Variants in PPP1R3A observed in about 807,000 individuals in gnomAD.
PPP1R3A encodes the protein RG1.
Under a neutral mutation model 41.7 loss-of-function variants are expected in PPP1R3A, and 29 were observed. The ratio of observed to expected loss-of-function variants is 0.70; its 90% CI spans 0.52 to 0.95. The LOEUF is 0.95. Among genes scored for constraint, PPP1R3A ranks in the 40% least tolerant of loss-of-function variants. The pLI is 0.00. For synonymous variants in PPP1R3A, 485 were observed against 453.4 expected, an observed-to-expected ratio of 1.07 and a Z score of -0.89; for missense variants, 1,352 against 1,292.4, an observed-to-expected ratio of 1.05 and a Z score of -0.71.
intron 1 of PPP1R3A, among the ~76,000 whole-genome samples, chr7:113,886,214 C>T (rs1004363606): frequency 6.6e-6 from 1 of 151,510 alleles, no homozygotes. Flanking sequence ...TGGCTGTGTC[C>T]CCACCCAAAT....
At position 113,879,699 on chromosome 7, in the gene PPP1R3A, T is replaced by G. The variant is rs767435241; in HGVS notation, c.1393A>C (p.Asn465His). The change falls in exon 4 of 4, where the codon AAC becomes CAC. Residue 465 changes from asparagine (N) to histidine (H), a missense_variant. Asn to His is a moderately conservative substitution (Grantham distance 68, BLOSUM62 1). Transcript: ENST00000284601. ...CPSSDQLMAG[N>H]LNKKHEGGAK... ...CCTCCTTCATGTTTTTTATTAAGGT[T>G]TCCTGCCATTAGTTGATCTGAAGAG... The G allele has an allele frequency of 6.2e-7, 1 of 1,613,132 alleles. No individual in the cohort carries two copies. The highest frequency in any genetic ancestry group is 2.2e-5 in the East Asian group (1 of 44,850).
At chr7:113,881,852 A>G (rs559320271) in intron 3 of PPP1R3A, among the ~76,000 whole-genome samples, 187 bp downstream of exon 3, 3 of 152,080 alleles carry the variant, frequency 2.0e-5, no homozygotes, top group African/African-American at 7.2e-5. Context: ...ACCACTGCAG[A>G]GACCAGAAGC....
At chr7:113,902,637 A>G (rs1797085225) in intron 1 of PPP1R3A, among the ~76,000 whole-genome samples, 2 of 151,806 alleles carry the variant, frequency 1.3e-5, no homozygotes, top group Non-Finnish European at 2.9e-5. Context: ...TGGTTCCTTC[A>G]GCATAGAACA....
intron 1 of PPP1R3A, among the ~76,000 whole-genome samples, chr7:113,902,970 T>A (rs1797090171): frequency 6.6e-6 from 1 of 151,750 alleles, no homozygotes; most frequent in Non-Finnish European, 1.5e-5. Context: ...TCACTGATCT[T>A]TTTTTACTTC....
At chr7:113,886,638 T>G (rs186591932) in intron 1 of PPP1R3A, among the ~76,000 whole-genome samples, 1 of 152,334 alleles carries the variant, frequency 6.6e-6, no homozygotes, top group Admixed American at 6.5e-5. Flanking sequence ...GTGGTTGTTT[T>G]GCAGGTGCTT....
rs779836256 is a variant in PPP1R3A at position 113,879,040 on chromosome 7, G to A, written c.2052C>T (p.Asp684=). The change falls in exon 4 of 4, where the codon GAC becomes GAT. Residue 684 remains aspartate, a synonymous_variant. Transcript: ENST00000284601. ...TCGTATTATCTCTTTTTCCCCACAC[G>A]TCTTCACAATCTGTTTGTCCTTTGA... is the stretch of plus-strand genomic sequence containing the variant. The part of the protein sequence containing the change: ...EHIKGQTDCE[D]VWGKRDNTRS... 6 of 1,613,524 alleles carry A rather than the reference G, an allele frequency of 3.7e-6. No homozygotes were observed. The highest frequency in any genetic ancestry group is 2.7e-5 in the African/African-American group (2 of 74,896).
rs1796584156 is a variant in PPP1R3A, at chr7:113,877,371, A to C, written c.*352T>G. The C allele has an allele frequency of 5.7e-6, 1 of 174,866 alleles. No individual in the cohort carries two copies. The highest frequency in any genetic ancestry group is 1.2e-5 in the Non-Finnish European group (1 of 83,596). The allele number at this position is 174,866 out of a possible 1,614,324, so 10.8% of individuals were successfully genotyped here. On this transcript the variant is annotated 3_prime_UTR_variant, in exon 4 of 4. Coordinates refer to ENST00000284601, the MANE Select transcript of PPP1R3A (RefSeq NM_002711.4). Reference sequence around the variant, plus strand: ...GAAAATATATACTCTCAAGGGGAAAAAAAAATGAAGCTTTATTGCAAGAGA... The same window carrying C: ...GAAAATATATACTCTCAAGGGGAAACAAAAATGAAGCTTTATTGCAAGAGA...
At position 113,877,828 on chromosome 7, in the gene PPP1R3A, A is replaced by G. The variant is rs745661180; in HGVS notation, c.3264T>C (p.Thr1088=). The change falls in exon 4 of 4, where the codon ACT becomes ACC. Residue 1088 remains threonine, a synonymous_variant. Coordinates refer to ENST00000284601, the MANE Select transcript of PPP1R3A (RefSeq NM_002711.4). ...YFLLFLIFLI[T]VYHYDLMIGL... ...CAATCATTAAGTCATAATGGTAGAC[A>G]GTTATAAGAAATATCAGAAACAAAA... 3 of 1,608,854 alleles carry G rather than the reference A, an allele frequency of 1.9e-6. No homozygotes were observed. The highest frequency in any genetic ancestry group is 1.7e-5 in the Admixed American group (1 of 59,760).
At position 113,877,716 on chromosome 7, in the gene PPP1R3A, G is replaced by T; in HGVS notation, c.*7C>A. ...TTATCTTTTAAGAGAGAATAGTAGT[G>T]CTGAGGTTACTTCTTTTTGACAGAC... On this transcript the variant is annotated 3_prime_UTR_variant, in exon 4 of 4. Transcript: ENST00000284601. 6.5e-7 allele frequency: 1 copy of T among 1,539,458 alleles called. No individual in the cohort carries two copies. The highest frequency in any genetic ancestry group is 8.7e-7 in the Non-Finnish European group (1 of 1,147,392).
intron 1 of PPP1R3A, among the ~76,000 whole-genome samples, chr7:113,895,074 C>T (rs116865924): frequency 0.022 from 3,383 of 152,000 alleles, 56 homozygotes; most frequent in Middle Eastern, 0.034. Flanking sequence ...CAGCCACTCA[C>T]CTGAGCATGT....
intron 1 of PPP1R3A, among the ~76,000 whole-genome samples, chr7:113,907,040 G>A (rs370211327): frequency 4.0e-5 from 6 of 151,752 alleles, no homozygotes; most frequent in Non-Finnish European, 5.9e-5. Flanking sequence ...TTCAAAGCAC[G>A]CAAGTGGCTT....
rs2129112689 is a variant in PPP1R3A at position 113,878,623 on chromosome 7, C to T, written c.2469G>A (p.Met823Ile). 1.2e-6 allele frequency: 2 copies of T among 1,613,276 alleles called. No homozygotes were observed. Among genetic ancestry groups the T allele is most frequent in the Non-Finnish European group, 1.7e-6 (2 of 1,179,566 alleles). Residue 823 changes from methionine (M) to isoleucine (I), a missense_variant, in exon 4 of 4, where the codon ATG becomes ATA. Coordinates refer to ENST00000284601, the MANE Select transcript of PPP1R3A (RefSeq NM_002711.4). The part of the protein sequence containing the change: ...RVDEMEKEET[M>I]SMYNPRKTHD... ...GTGTCTTCCTAGGATTGTACATAGA[C>T]ATGGTTTCTTCCTTCTCCATTTCAT...
intron 1 of PPP1R3A, among the ~76,000 whole-genome samples, chr7:113,895,272 T>A (rs552459454): frequency 6.6e-6 from 1 of 151,952 alleles, no homozygotes; most frequent in Non-Finnish European, 1.5e-5. Flanking sequence ...GATGCATAAC[T>A]CAATAAAAAT....
intron 1 of PPP1R3A, among the ~76,000 whole-genome samples, chr7:113,893,070 T>G (rs4255074): frequency 0.97 from 147,117 of 151,952 alleles, 71,373 homozygotes; most frequent in East Asian, 1. Flanking sequence ...CTTGCTGCGG[T>G]CATATTGAGC....
At chr7:113,905,407 G>A (rs1797129289) in intron 1 of PPP1R3A, among the ~76,000 whole-genome samples, 1 of 151,650 alleles carries the variant, frequency 6.6e-6, no homozygotes, top group Non-Finnish European at 1.5e-5. Flanking sequence ...ATTGCTTAAA[G>A]TTTACAAAAG....
intron 1 of PPP1R3A, among the ~76,000 whole-genome samples, chr7:113,914,524 A>G (rs1033434654): frequency 5.9e-5 from 9 of 152,148 alleles, no homozygotes; most frequent in African/African-American, 2.2e-4. Context: ...GTTGATTAAA[A>G]TCTTGCAAGA....
intron 1 of PPP1R3A, among the ~76,000 whole-genome samples, chr7:113,910,787 A>G (rs752185067): frequency 6.6e-6 from 1 of 152,142 alleles, no homozygotes; most frequent in Non-Finnish European, 1.5e-5. Flanking sequence ...TTAGGTTTGT[A>G]CCATGGCTTA....
At position 113,879,947 on chromosome 7, in the gene PPP1R3A, C is replaced by T. The variant is rs759512632; in HGVS notation, c.1145G>A (p.Ser382Asn). Residue 382 changes from serine to asparagine, a missense_variant, in exon 4 of 4, where the codon AGC becomes AAC. Coordinates refer to ENST00000284601, the MANE Select transcript of PPP1R3A (RefSeq NM_002711.4). ...GCAGTAAAAATCTCCCTTTACGGAGCTTTCTGCTGATGAACTTGGAGACAG... is the reference window on the plus strand; with the variant it reads ...GCAGTAAAAATCTCCCTTTACGGAGTTTTCTGCTGATGAACTTGGAGACAG... ...RSLSPSSSAE[S>N]SVKGDFYCNE... The T allele has an allele frequency of 3.1e-6, 5 of 1,613,450 alleles. No individual in the cohort carries two copies. In the African/African-American group the frequency reaches 4.0e-5, roughly 13 times the overall value.
Position 113,878,918 on chromosome 7 carries a change from G to A in PPP1R3A, c.2174C>T (p.Ala725Val). Reference protein sequence around the residue: ...SLADHGITEKAEAGTAYIIKT... With the variant: ...SLADHGITEKVEAGTAYIIKT... Reference sequence around the variant, plus strand: ...AATTATATAGGCTGTACCAGCTTCTGCTTTCTCAGTAATGCCATGATCAGC... The same window carrying A: ...AATTATATAGGCTGTACCAGCTTCTACTTTCTCAGTAATGCCATGATCAGC... Residue 725 changes from alanine to valine, a missense_variant, in exon 4 of 4, where the codon GCA (alanine) becomes GTA (valine). By Grantham distance (64) the Ala-to-Val change is moderately conservative. Coordinates refer to ENST00000284601, the MANE Select transcript of PPP1R3A (RefSeq NM_002711.4). 1 of 1,612,996 alleles carries A rather than the reference G, an allele frequency of 6.2e-7. No individual in the cohort carries two copies. The highest frequency in any genetic ancestry group is 8.5e-7 in the Non-Finnish European group (1 of 1,179,772).
Sources: allele counts gnomAD v4.1 joint callset (sites outside exome capture counted in the v4.1 genomes callset), GRCh38; gene constraint gnomAD v4.1.1; transcripts MANE v1.5; gene names NCBI Gene and HGNC (gene_info 2026-07-23, HGNC 2026-07-21).